Variants in SGCG observed in about 807,000 individuals in gnomAD.
SGCG encodes sarcoglycan gamma.
Under a neutral mutation model 29.3 loss-of-function variants are expected in SGCG, and 26 were observed. The ratio of observed to expected loss-of-function variants is 0.89; its 90% CI spans 0.65 to 1.23. SGCG has a LOEUF of 1.23. Among genes scored for constraint, SGCG ranks in the 50% most tolerant of loss-of-function variants. SGCG has a pLI of 0.00. For synonymous variants in SGCG, 145 were observed against 129.7 expected (o/e 1.12, Z -0.80); for missense variants, 353 against 356.0 (o/e 0.99, Z 0.07).
intron 4 of SGCG, among the ~76,000 whole-genome samples, chr13:23,252,844 C>CTG (rs1880028639): frequency 6.6e-6 from 1 of 151,984 alleles, no homozygotes; most frequent in African/African-American, 2.4e-5. Context: ...GATGAAAAAA[C>CTG]TGAAGGACTA....
intron 6 of SGCG, among the ~76,000 whole-genome samples, chr13:23,311,382 A>G (rs75707652): frequency 6.6e-6 from 1 of 152,370 alleles, no homozygotes; most frequent in African/African-American, 2.4e-5. Context: ...TTGGAAAATT[A>G]TTAGCCATAG....
intron 6 of SGCG, among the ~76,000 whole-genome samples, chr13:23,315,947 G>A (rs984962203): frequency 9.2e-5 from 14 of 152,278 alleles, no homozygotes; most frequent in Middle Eastern, 3.4e-3. Flanking sequence ...AGGATGACCC[G>A]TTCTGAGGAC....
intron 2 of SGCG, among the ~76,000 whole-genome samples, chr13:23,230,217 T>C (rs1247328344): frequency 6.6e-6 from 1 of 152,218 alleles, no homozygotes; most frequent in East Asian, 1.9e-4. Flanking sequence ...GGCAATGTGA[T>C]AACTCCAGCC....
intron 4 of SGCG, among the ~76,000 whole-genome samples, chr13:23,270,932 C>T (rs1880850830): frequency 1.3e-5 from 2 of 152,060 alleles, no homozygotes; most frequent in Admixed American, 1.3e-4. Context: ...CTTAAAAGTC[C>T]ATCCTTAGGC....
intron 2 of SGCG, among the ~76,000 whole-genome samples, chr13:23,227,236 A>G (rs148698644): frequency 1.3e-5 from 2 of 152,074 alleles, no homozygotes; most frequent in East Asian, 3.9e-4. Flanking sequence ...GTTTGTGACC[A>G]TAATCATTTG....
chr13:23,310,762 C>A (rs1882565537), intron 6 of SGCG, among the ~76,000 whole-genome samples: 1 of 151,770 alleles, frequency 6.6e-6, no homozygotes. Context: ...TATTTTTATT[C>A]TTTCAATGAT....
At chr13:23,164,728 C>T in the SGCG span, among the ~76,000 whole-genome samples, 1 of 152,088 alleles carries the variant, frequency 6.6e-6, no homozygotes, top group Non-Finnish European at 1.5e-5. Context: ...TGACACAGTC[C>T]GTCTCCTACT....
upstream of SGCG, among the ~76,000 whole-genome samples, chr13:23,177,871 G>A (rs890441352): frequency 2.0e-5 from 3 of 151,952 alleles, no homozygotes; most frequent in East Asian, 1.9e-4. Flanking sequence ...GAGCCACCAC[G>A]CCCGGCCTGT....
intron 2 of SGCG, among the ~76,000 whole-genome samples, chr13:23,219,421 G>A (rs762648904): frequency 1.3e-5 from 2 of 152,024 alleles, no homozygotes; most frequent in African/African-American, 2.4e-5. Flanking sequence ...TCTAAATAGA[G>A]GTATTCATAT....
intron 3 of SGCG, among the ~76,000 whole-genome samples, chr13:23,247,830 A>G (rs1181149782): frequency 6.6e-6 from 1 of 150,760 alleles, no homozygotes; most frequent in African/African-American, 2.4e-5. Context: ...ACACACCTGT[A>G]ATTCCAGCTA....
At chr13:23,276,426 G>GTTTTTTTT (rs757414154) in intron 4 of SGCG, among the ~76,000 whole-genome samples, 8 of 65,858 alleles carry the variant, frequency 1.2e-4, no homozygotes, top group African/African-American at 2.7e-4. Flanking sequence ...TTCTTTTTTA[G>GTTTTTTTT]TTTTCTTTTT....
chr13:23,177,010 G>T (rs906345272), upstream of SGCG, among the ~76,000 whole-genome samples: 1 of 152,166 alleles, frequency 6.6e-6, no homozygotes, highest in Non-Finnish European at 1.5e-5. Context: ...AGAAACTGTG[G>T]TATATATGCA....
At position 23,299,411 on chromosome 13, in the gene SGCG, TATATATATATA is replaced by T. The variant is rs1566037293; in HGVS notation, c.578+3925_578+3935del. Among the ~76,000 whole-genome samples the T allele has an allele frequency of 1.2e-3, 40 of 32,868 alleles. 1 individual carries two copies. The highest frequency in any genetic ancestry group is 0.013 in the Middle Eastern group (1 of 78). The allele number at this position is 32,868 out of a possible 152,430, so 21.6% of individuals were successfully genotyped here. On this transcript the variant is annotated intron_variant, in intron 6 of 7. Coordinates refer to ENST00000218867, the MANE Select transcript of SGCG (RefSeq NM_000231.3). Reference sequence around the variant, plus strand: ...ATTCTGGAATATCTTAGTTGGCATATATATATATATATATATATATATATATATATATATAT... The same window carrying T: ...ATTCTGGAATATCTTAGTTGGCATATTATATATATATATATATATATATAT...
intron 6 of SGCG, among the ~76,000 whole-genome samples, chr13:23,305,935 G>A (rs555767204): frequency 2.6e-5 from 4 of 152,246 alleles, no homozygotes; most frequent in Admixed American, 6.5e-5. Flanking sequence ...GCAAGAACAC[G>A]ATCTCAGCTT....
the SGCG span, among the ~76,000 whole-genome samples, chr13:23,161,031 A>T: frequency 1.3e-5 from 2 of 152,156 alleles, no homozygotes; most frequent in Admixed American, 1.3e-4. Context: ...TTTGCCAAAA[A>T]CTTTGCCCTG....
chr13:23,296,245 T>C lies in SGCG; in HGVS notation c.578+758T>C, dbSNP rs148032874. On this transcript the variant is annotated intron_variant, in intron 6 of 7. Transcript: ENST00000218867. The stretch of plus-strand genomic sequence containing the variant: ...CTTTTTAGTGGAAGACAAAGGTGCC[T>C]TATGTGGCCGTGAAATGTGCAAAAG... 4.1e-3 allele frequency among the ~76,000 whole-genome samples: 631 copies of C among 152,380 alleles called. 3 individuals are homozygous for C. Among genetic ancestry groups the C allele is most frequent in the African/African-American group, 0.014 (598 of 41,594 alleles).
chr13:23,208,992 A>G (rs1878088862), intron 2 of SGCG, among the ~76,000 whole-genome samples: 1 of 152,138 alleles, frequency 6.6e-6, no homozygotes, highest in Non-Finnish European at 1.5e-5. Context: ...GTTTGCATAT[A>G]AAATATTTTA....
chr13:23,180,573 C>G (rs188099634), upstream of SGCG, among the ~76,000 whole-genome samples: 1 of 152,242 alleles, frequency 6.6e-6, no homozygotes, highest in East Asian at 1.9e-4. Context: ...TTCTAACTTG[C>G]ATGTTAATTT....
chr13:23,284,902 C>T (rs1881436093), intron 5 of SGCG, among the ~76,000 whole-genome samples: 1 of 152,198 alleles, frequency 6.6e-6, no homozygotes. Flanking sequence ...TGGACGTCCA[C>T]TCCAGCCCCT....
Sources: allele counts gnomAD v4.1 joint callset (sites outside exome capture counted in the v4.1 genomes callset), GRCh38; gene constraint gnomAD v4.1.1; transcripts MANE v1.5; gene names NCBI Gene and HGNC (gene_info 2026-07-23, HGNC 2026-07-21).